KCNIP4: variants seen among roughly 807,000 people sequenced by gnomAD.
The protein encoded by KCNIP4 is potassium voltage-gated channel interacting protein 4.
KCNIP4 carries 12 observed loss-of-function variants against 34.0 expected under a neutral mutation model. The ratio of observed to expected loss-of-function variants is 0.35; its 90% CI spans 0.23 to 0.57. The LOEUF (loss-of-function observed/expected upper bound fraction) is 0.57, where lower values mean the gene tolerates loss of function less well. Ranked by LOEUF, KCNIP4 falls within the 20% of genes least tolerant of loss-of-function variation. KCNIP4 has a pLI of 0.83. For synonymous variants in KCNIP4, 124 were observed against 102.2 expected (o/e 1.21, Z -1.29); for missense variants, 238 against 311.7 (o/e 0.76, Z 1.78).
At chr4:21,566,637 A>T (rs1739912348) in intron 1 of KCNIP4, among the ~76,000 whole-genome samples, 1 of 152,288 alleles carries the variant, frequency 6.6e-6, no homozygotes, top group South Asian at 2.1e-4. Flanking sequence ...ACCCAGTATC[A>T]GATAGTTCTT....
intron 1 of KCNIP4, among the ~76,000 whole-genome samples, chr4:21,343,673 A>T (rs551722454): frequency 6.6e-6 from 1 of 152,250 alleles, no homozygotes; most frequent in South Asian, 2.1e-4. Context: ...CCTAGGAATC[A>T]CAAAATGTAC....
intron 3 of KCNIP4, among the ~76,000 whole-genome samples, chr4:20,846,267 G>C: frequency 6.6e-6 from 1 of 152,232 alleles, no homozygotes; most frequent in Middle Eastern, 3.4e-3. Context: ...CTAACTATTT[G>C]CAACTCATCC....
At chr4:20,927,195 T>G (rs565676955) in intron 1 of KCNIP4, among the ~76,000 whole-genome samples, 311 of 152,288 alleles carry the variant, frequency 2.0e-3, no homozygotes, top group African/African-American at 6.8e-3. Flanking sequence ...GCCAGGCTGG[T>G]CTTGAACTCT....
intron 1 of KCNIP4, among the ~76,000 whole-genome samples, chr4:21,424,530 A>G (rs1328888792): frequency 1.3e-5 from 2 of 151,908 alleles, no homozygotes; most frequent in Non-Finnish European, 2.9e-5. Context: ...TGAGATTGGC[A>G]ACTGCACTCC....
intron 1 of KCNIP4, among the ~76,000 whole-genome samples, chr4:21,742,828 A>G (rs1246708912): frequency 6.6e-6 from 1 of 152,192 alleles, no homozygotes; most frequent in African/African-American, 2.4e-5. Context: ...TATAAGATAC[A>G]TAAATATATT....
At chr4:20,862,036 G>T (rs1560523372) in intron 2 of KCNIP4, among the ~76,000 whole-genome samples, 1 of 150,880 alleles carries the variant, frequency 6.6e-6, no homozygotes, top group Non-Finnish European at 1.5e-5. Flanking sequence ...TGTCACCCAG[G>T]CTGGAGTGCA....
At chr4:21,036,697 G>T (rs1176142163) in intron 1 of KCNIP4, among the ~76,000 whole-genome samples, 2 of 152,208 alleles carry the variant, frequency 1.3e-5, no homozygotes, top group African/African-American at 4.8e-5. Flanking sequence ...CTGCACTCCA[G>T]CCTGGGGACA....
chr4:21,228,882 T>C (rs983966547), intron 1 of KCNIP4, among the ~76,000 whole-genome samples: 7 of 152,172 alleles, frequency 4.6e-5, no homozygotes, highest in African/African-American at 1.7e-4. Context: ...TCCAAGCCCG[T>C]TGTGATCAGG....
At chr4:21,900,872 CT>C (rs1436040816) in intron 1 of KCNIP4, among the ~76,000 whole-genome samples, 68 of 152,278 alleles carry the variant, frequency 4.5e-4, no homozygotes, top group African/African-American at 1.5e-3. Context: ...ACTTTAATGA[CT>C]ACAACAGTTC....
intron 1 of KCNIP4, among the ~76,000 whole-genome samples, chr4:21,323,418 C>T (rs1230782063): frequency 6.6e-6 from 1 of 151,932 alleles, no homozygotes; most frequent in Non-Finnish European, 1.5e-5. Context: ...AGCCCCAGTA[C>T]CCTTCTTGGA....
chr4:21,329,307 C>T (rs1452513621), intron 1 of KCNIP4, among the ~76,000 whole-genome samples: 1 of 152,098 alleles, frequency 6.6e-6, no homozygotes, highest in Admixed American at 6.6e-5. Flanking sequence ...TACACAGTTT[C>T]CATACTTATT....
chr4:21,439,122 A>C (rs1357711749), intron 1 of KCNIP4, among the ~76,000 whole-genome samples: 1 of 150,214 alleles, frequency 6.7e-6, no homozygotes, highest in African/African-American at 2.5e-5. Flanking sequence ...ACATCGCGCC[A>C]CTGCACTCCA....
At chr4:21,501,259 C>A (rs1577473218) in intron 1 of KCNIP4, among the ~76,000 whole-genome samples, 1 of 151,764 alleles carries the variant, frequency 6.6e-6, no homozygotes, top group South Asian at 2.1e-4. Flanking sequence ...CACACACACA[C>A]ACACACACAC....
rs544590082 is a variant in KCNIP4, at chr4:21,906,855, A to G, written c.61+41716T>C. On this transcript the variant is annotated intron_variant, in intron 1 of 8. Coordinates refer to ENST00000382152, the MANE Select transcript of KCNIP4 (RefSeq NM_025221.6). ...AGGTATGCATCCAAAGCAAAACAGT[A>G]TCATTTAGAATATGTTACATTTTAC... 2.0e-5 allele frequency among the ~76,000 whole-genome samples: 3 copies of G among 152,234 alleles called. No homozygotes were observed. In the South Asian group the frequency reaches 6.2e-4, roughly 32 times the overall value.
At chr4:21,370,800 A>AATATAAAT (rs1720277415) in intron 1 of KCNIP4, among the ~76,000 whole-genome samples, 1 of 17,986 alleles carries the variant, frequency 5.6e-5, no homozygotes, top group Non-Finnish European at 1.0e-4. Flanking sequence ...CATGGATTGA[A>AATATAAAT]ATATATATAT....
At chr4:21,040,929 AT>A (rs1349244741) in intron 1 of KCNIP4, among the ~76,000 whole-genome samples, 1 of 143,466 alleles carries the variant, frequency 7.0e-6, no homozygotes, top group East Asian at 2.0e-4. Context: ...TGATAAGTGC[AT>A]TTTTTTGACT....
chr4:20,955,294 C>T lies in KCNIP4; in HGVS notation c.62-72585G>A, dbSNP rs117276358. Among the ~76,000 whole-genome samples the T allele has an allele frequency of 5.9e-4, 90 of 152,290 alleles. No homozygotes were observed. The East Asian group carries it at 8.5e-3, about 14-fold the overall frequency. Reference sequence around the variant, plus strand: ...TGTAACTAAGTCCTAATAAATGTAGCGCTTTTCCCTCAAACAGCTATTAAT... The same window carrying T: ...TGTAACTAAGTCCTAATAAATGTAGTGCTTTTCCCTCAAACAGCTATTAAT... On this transcript the variant is annotated intron_variant, in intron 1 of 8. Coordinates refer to ENST00000382152, the MANE Select transcript of KCNIP4 (RefSeq NM_025221.6).
chr4:21,100,800 C>T (rs1747867441), intron 1 of KCNIP4, among the ~76,000 whole-genome samples: 1 of 152,104 alleles, frequency 6.6e-6, no homozygotes, highest in Non-Finnish European at 1.5e-5. Context: ...AGTTTAAACA[C>T]AACTTTTAAA....
chr4:21,831,346 A>G (rs1175414513), intron 1 of KCNIP4, among the ~76,000 whole-genome samples: 1 of 152,094 alleles, frequency 6.6e-6, no homozygotes, highest in Non-Finnish European at 1.5e-5. Flanking sequence ...ATAATAGAGA[A>G]GATCAAATAA....
Sources: gnomAD v4.1 joint callset for allele counts (sites outside exome capture counted in the v4.1 genomes callset) on GRCh38, gnomAD v4.1.1 for gene constraint, MANE v1.5 for transcripts, NCBI Gene and HGNC (gene_info 2026-07-23, HGNC 2026-07-21) for gene names.